Variants in RUBCN observed in about 807,000 individuals in gnomAD.
RUBCN encodes rubicon autophagy regulator.
A neutral mutation model predicts 113.2 loss-of-function variants in RUBCN; 74 were observed. The ratio of observed to expected loss-of-function variants is 0.65; its 90% CI spans 0.54 to 0.79. RUBCN has a LOEUF of 0.79. Among genes scored for constraint, RUBCN ranks in the 30% least tolerant of loss-of-function variants. The pLI, the probability that RUBCN is intolerant of heterozygous loss-of-function variation, is 0.00. For synonymous variants in RUBCN, 480 were observed against 490.0 expected, an observed-to-expected ratio of 0.98 and a Z score of 0.27; for missense variants, 1,109 against 1,251.7, an observed-to-expected ratio of 0.89 and a Z score of 1.72.
At chr3:197,685,245 A>G (rs528925878) in intron 11 of RUBCN, among the ~76,000 whole-genome samples, 26 of 152,386 alleles carry the variant, frequency 1.7e-4, no homozygotes, top group African/African-American at 5.8e-4. Flanking sequence ...AGGCAGACAC[A>G]GCCTATCCAG....
At chr3:197,682,930 C>T (rs1031597646) in intron 13 of RUBCN, among the ~76,000 whole-genome samples, 23 of 152,224 alleles carry the variant, frequency 1.5e-4, no homozygotes, top group South Asian at 2.1e-4. Context: ...AGTGGCCCCA[C>T]GGCTCATGCT....
upstream of RUBCN, among the ~76,000 whole-genome samples, chr3:197,739,752 T>C (rs1384857083): frequency 6.6e-6 from 1 of 151,884 alleles, no homozygotes; most frequent in East Asian, 1.9e-4. Context: ...CAGGAAATCC[T>C]AGGGGCCAGA....
At chr3:197,703,890 G>A (rs958433725) in intron 4 of RUBCN, among the ~76,000 whole-genome samples, 7 of 152,086 alleles carry the variant, frequency 4.6e-5, no homozygotes, top group Non-Finnish European at 8.8e-5. Context: ...TGGCCAAGTC[G>A]CCTAACCTCC....
chr3:197,684,109 A>G (rs1449302742), intron 12 of RUBCN, 48 bp downstream of exon 12: 1 of 1,436,986 alleles, frequency 7.0e-7, no homozygotes, highest in African/African-American at 1.4e-5. Context: ...GTTTCTCTAC[A>G]TATCCTAAGG....
chr3:197,723,071 C>T (rs1364008604), intron 1 of RUBCN, among the ~76,000 whole-genome samples: 1 of 151,946 alleles, frequency 6.6e-6, no homozygotes, highest in East Asian at 1.9e-4. Context: ...TAGTAGTGTG[C>T]TTTGATTCCT....
At chr3:197,714,641 C>G (rs1725319537) in intron 2 of RUBCN, among the ~76,000 whole-genome samples, 1 of 152,152 alleles carries the variant, frequency 6.6e-6, no homozygotes, top group Non-Finnish European at 1.5e-5. Context: ...AGTATACACA[C>G]TTTAATACCA....
At chr3:197,714,193 C>A (rs925864437) in intron 2 of RUBCN, among the ~76,000 whole-genome samples, 1 of 152,194 alleles carries the variant, frequency 6.6e-6, no homozygotes, top group African/African-American at 2.4e-5. Context: ...GTAATTTTAA[C>A]TGCTACGTCA....
Position 197,681,268 on chromosome 3 carries a change from C to G in RUBCN, c.2291G>C (p.Arg764Pro). 2.5e-6 allele frequency: 4 copies of G among 1,614,158 alleles called. No homozygotes were observed. The highest frequency in any genetic ancestry group is 3.4e-6 in the Non-Finnish European group (4 of 1,180,018). Residue 764 changes from arginine (R) to proline (P), a missense_variant, in exon 16 of 20, where the codon CGC (arginine) becomes CCC (proline). This residue lies in a region of RUBCN where 306 missense variants were observed against 348.9 expected (regional missense o/e 0.88). Coordinates refer to ENST00000296343, the MANE Select transcript of RUBCN (RefSeq NM_014687.4). The surrounding 1 kb of genome is among the most constrained non-coding windows in gnomAD (Gnocchi z 5.5). The part of the protein sequence containing the change: ...AQMAIPSRVL[R>P]KWDFSKYYVS... Reference sequence around the variant, plus strand: ...GTAGTACTTGCTGAAGTCCCACTTGCGCAGAACCCGGCTGGGGATGGCCAT... The same window carrying G: ...GTAGTACTTGCTGAAGTCCCACTTGGGCAGAACCCGGCTGGGGATGGCCAT...
chr3:197,683,171 A>G lies in RUBCN; in HGVS notation c.1980+136T>C. 1 of 1,092,744 alleles carries G rather than the reference A, an allele frequency of 9.2e-7. No homozygotes were observed. Among genetic ancestry groups the G allele is most frequent in the Non-Finnish European group, 1.4e-6 (1 of 708,102 alleles). The allele number at this position is 1,092,744 out of a possible 1,614,324, so 67.7% of individuals were successfully genotyped here. ...TTCACTCGTTCATTTATCACTTGACACATTGTAATGAATGGCTTCCACGAG... is the reference window on the plus strand; with the variant it reads ...TTCACTCGTTCATTTATCACTTGACGCATTGTAATGAATGGCTTCCACGAG... On this transcript the variant is annotated intron_variant, in intron 13 of 19. Coordinates refer to ENST00000296343, the MANE Select transcript of RUBCN (RefSeq NM_014687.4). The surrounding 1 kb of genome is among the most constrained non-coding windows in gnomAD (Gnocchi z 4.6).
exon 1 of RUBCN, chr3:197,749,317 A>C (rs1728900456): frequency 4.4e-6 from 5 of 1,147,388 alleles, no homozygotes; most frequent in Non-Finnish European, 4.4e-6. Context: ...ACACCGTGCC[A>C]GATGTTTTGA....
chr3:197,693,613 C>T (rs1722674996), intron 11 of RUBCN, 102 bp downstream of exon 11: 1 of 828,782 alleles, frequency 1.2e-6, no homozygotes, highest in South Asian at 1.4e-5. Context: ...TAACAACAAT[C>T]CATAATGAAG....
intron 11 of RUBCN, among the ~76,000 whole-genome samples, chr3:197,691,588 G>T (rs1385160419): frequency 6.6e-6 from 1 of 152,124 alleles, no homozygotes; most frequent in African/African-American, 2.4e-5. Flanking sequence ...GTTCTGAAAC[G>T]ACTAGAGAAT....
chr3:197,691,190 G>T, intron 11 of RUBCN: 1 of 1,024,314 alleles, frequency 9.8e-7, no homozygotes, highest in Non-Finnish European at 1.3e-6. Context: ...TAGTATTCCA[G>T]CAGGAAATAA....
At chr3:197,742,884 T>C (rs1231002608) in intron 1 of RUBCN, among the ~76,000 whole-genome samples, 2 of 152,268 alleles carry the variant, frequency 1.3e-5, no homozygotes, top group African/African-American at 4.8e-5. Flanking sequence ...TTTTGCACTT[T>C]ATGTAAATTT....
At position 197,674,967 on chromosome 3, in the gene RUBCN, G is replaced by A; in HGVS notation, c.*51C>T. On this transcript the variant is annotated 3_prime_UTR_variant, in exon 20 of 20. Transcript: ENST00000296343. ...GGCGAGTCCTTCAAAGAGTGGCTCA[G>A]TTCTGCAACAGGTGTGACCCGGCCC... The A allele has an allele frequency of 2.5e-6, 4 of 1,571,000 alleles. No individual in the cohort carries two copies. The highest frequency in any genetic ancestry group is 3.5e-6 in the Non-Finnish European group (4 of 1,153,466).
At chr3:197,677,144 C>A in intron 17 of RUBCN, 106 bp from the exon 18 acceptor site, 1 of 1,244,248 alleles carries the variant, frequency 8.0e-7, no homozygotes, top group Non-Finnish European at 1.2e-6. Flanking sequence ...AGGGTGGGCA[C>A]CCATCAGCCA....
chr3:197,691,069 G>A (rs1489844526), intron 11 of RUBCN: 1 of 1,287,074 alleles, frequency 7.8e-7, no homozygotes, highest in Non-Finnish European at 1.0e-6. Flanking sequence ...TGCAAAGTAG[G>A]CTACCTGAGA....
At position 197,676,872 on chromosome 3, in the gene RUBCN, G is replaced by C. The variant is rs764421695; in HGVS notation, c.2646+13C>G. 3 of 1,614,182 alleles carry C rather than the reference G, an allele frequency of 1.9e-6. No homozygotes were observed. Among genetic ancestry groups the C allele is most frequent in the Non-Finnish European group, 2.5e-6 (3 of 1,180,038 alleles). ...CAAGGGCTCAGCTGCATGCTACAGT[G>C]AGACTTTCTCACCATGCATCTCTCC... On this transcript the variant is annotated intron_variant, in intron 18 of 19. Coordinates refer to ENST00000296343, the MANE Select transcript of RUBCN (RefSeq NM_014687.4).
intron 5 of RUBCN, 30 bp downstream of exon 5, chr3:197,703,518 T>C (rs770340771): frequency 4.3e-6 from 6 of 1,389,922 alleles, no homozygotes; most frequent in East Asian, 5.5e-5. Flanking sequence ...GGACCCAGCA[T>C]AGACGTGGAT....
Sources: allele counts gnomAD v4.1 joint callset (sites outside exome capture counted in the v4.1 genomes callset), GRCh38; gene constraint gnomAD v4.1.1; regional missense constraint gnomAD v4.1.1; non-coding constraint Gnocchi (gnomAD v3.1); transcripts MANE v1.5; gene names NCBI Gene and HGNC (gene_info 2026-07-23, HGNC 2026-07-21).